MAGI1: variants seen among roughly 807,000 people sequenced by gnomAD.
MAGI1 encodes membrane-associated guanylate kinase, WW and PDZ domain-containing protein 1.
A neutral mutation model predicts 139.9 loss-of-function variants in MAGI1; 58 were observed. That is an observed-to-expected ratio of 0.41 (90% CI 0.34 to 0.52). The LOEUF (loss-of-function observed/expected upper bound fraction) is 0.52. Among genes scored for constraint, MAGI1 ranks in the 20% least tolerant of loss-of-function variants. The pLI is 0.12. For missense variants in MAGI1, 1,874 were observed against 1,901.6 expected, an observed-to-expected ratio of 0.99 and a Z score of 0.27; for synonymous variants, 812 against 737.9, an observed-to-expected ratio of 1.10 and a Z score of -1.63.
At position 65,429,554 on chromosome 3, in the gene MAGI1, C is replaced by G; in HGVS notation, c.2133G>C (p.Lys711Asn). Residue 711 changes from lysine to asparagine, a missense_variant, in exon 12 of 23, where the codon AAG becomes AAC. Lys to Asn is a moderately conservative substitution (Grantham distance 94). Coordinates refer to ENST00000402939, the MANE Select transcript of MAGI1 (RefSeq NM_001033057.2). The stretch of plus-strand genomic sequence containing the variant: ...GCACCAACAATGTGACCTCACTTCC[C>G]TTAGGACACTCAACCAGCATATCCA... ...QVVDMLVECP[K>N]GSEVTLLVQR... 1 of 1,613,812 alleles carries G rather than the reference C, an allele frequency of 6.2e-7. No homozygotes were observed. Among genetic ancestry groups the G allele is most frequent in the South Asian group, 1.1e-5 (1 of 91,064 alleles).
intron 2 of MAGI1, among the ~76,000 whole-genome samples, chr3:65,588,216 T>C (rs748705600): frequency 4.4e-4 from 67 of 152,168 alleles, no homozygotes; most frequent in Non-Finnish European, 8.4e-4. Flanking sequence ...TCCAAGAATA[T>C]AGATAGCCTT....
chr3:65,975,627 A>G (rs564980397), intron 1 of MAGI1, among the ~76,000 whole-genome samples: 1 of 152,006 alleles, frequency 6.6e-6, no homozygotes, highest in Non-Finnish European at 1.5e-5. Flanking sequence ...TCATAACCCA[A>G]TCTCAAAATA....
chr3:65,489,343 GAAAT>G (rs1378015426), intron 3 of MAGI1, among the ~76,000 whole-genome samples: 10 of 152,144 alleles, frequency 6.6e-5, no homozygotes, highest in Non-Finnish European at 1.5e-4. Flanking sequence ...AGTCTGACCT[GAAAT>G]AAATACTCAA....
chr3:65,802,391 G>T (rs1018465226), intron 1 of MAGI1, among the ~76,000 whole-genome samples: 9 of 152,068 alleles, frequency 5.9e-5, no homozygotes, highest in Non-Finnish European at 1.2e-4. Flanking sequence ...TTCCTCCTTG[G>T]GGTTGTAATT....
At chr3:65,927,129 G>A (rs1405265961) in intron 1 of MAGI1, among the ~76,000 whole-genome samples, 1 of 152,202 alleles carries the variant, frequency 6.6e-6, no homozygotes, top group African/African-American at 2.4e-5. Flanking sequence ...GCAACCGGCA[G>A]CCCTCAGGGC....
chr3:65,705,158 A>C (rs1308693708), intron 1 of MAGI1, among the ~76,000 whole-genome samples: 1 of 152,150 alleles, frequency 6.6e-6, no homozygotes, highest in East Asian at 1.9e-4. Flanking sequence ...GTTCTTATCA[A>C]GGCCTATTTG....
intron 4 of MAGI1, among the ~76,000 whole-genome samples, chr3:65,478,137 T>G (rs1349632219): frequency 6.6e-6 from 1 of 152,114 alleles, no homozygotes; most frequent in African/African-American, 2.4e-5. Context: ...TTCAAAGATA[T>G]AAGAGGATGC....
intron 1 of MAGI1, among the ~76,000 whole-genome samples, chr3:65,747,063 G>A (rs1277633944): frequency 2.0e-5 from 3 of 152,196 alleles, no homozygotes; most frequent in Admixed American, 1.3e-4. Flanking sequence ...CTATTCAGGA[G>A]GCTGAGGCAG....
chr3:65,497,478 C>T (rs1952540053), intron 2 of MAGI1, among the ~76,000 whole-genome samples: 1 of 152,124 alleles, frequency 6.6e-6, no homozygotes, highest in South Asian at 2.1e-4. Flanking sequence ...AATAGAATCT[C>T]TTTGAAACTT....
Position 65,592,996 on chromosome 3 carries a change from G to A in MAGI1, c.430+28976C>T, listed in dbSNP as rs118013776. Among the ~76,000 whole-genome samples, 336 of 152,170 alleles carry A rather than the reference G, an allele frequency of 2.2e-3. 9 individuals are homozygous for A. The East Asian group carries it at 0.05, about 23-fold the overall frequency. On this transcript the variant is annotated intron_variant, in intron 2 of 22. Coordinates refer to ENST00000402939, the MANE Select transcript of MAGI1 (RefSeq NM_001033057.2). ...TATGATTCCCCAGTGCCTAACAAGC[G>A]CCTACCACATAGTAGGCACTCAAAT...
chr3:65,612,378 A>T lies in MAGI1; in HGVS notation c.430+9594T>A, dbSNP rs1489589908. ...TCCTCCCACACATAATATATTTGTAACCATTTTTAATGTTTTGTAGCCATT... is the reference window on the plus strand; with the variant it reads ...TCCTCCCACACATAATATATTTGTATCCATTTTTAATGTTTTGTAGCCATT... On this transcript the variant is annotated intron_variant, in intron 2 of 22. Coordinates refer to ENST00000402939, the MANE Select transcript of MAGI1 (RefSeq NM_001033057.2). 3.9e-5 allele frequency among the ~76,000 whole-genome samples: 6 copies of T among 152,212 alleles called. No homozygotes were observed. The East Asian group carries it at 1.2e-3, about 29-fold the overall frequency.
chr3:65,457,431 T>C (rs1045601386), intron 5 of MAGI1, among the ~76,000 whole-genome samples: 2 of 152,180 alleles, frequency 1.3e-5, no homozygotes, highest in Non-Finnish European at 2.9e-5. Context: ...TGGACAAATT[T>C]ACTATAAAAA....
chr3:65,959,223 C>T (rs1166013285), intron 1 of MAGI1, among the ~76,000 whole-genome samples: 1 of 152,186 alleles, frequency 6.6e-6, no homozygotes, highest in Non-Finnish European at 1.5e-5. Context: ...CTCAAGCTTA[C>T]TGCATTCAAA....
intron 17 of MAGI1, among the ~76,000 whole-genome samples, chr3:65,378,399 A>T (rs1050844871): frequency 6.6e-5 from 10 of 151,928 alleles, no homozygotes; most frequent in African/African-American, 9.7e-5. Flanking sequence ...ATTTAAAATT[A>T]AAAAAAATTC....
intron 1 of MAGI1, among the ~76,000 whole-genome samples, chr3:65,884,286 T>C (rs993973924): frequency 3.9e-5 from 6 of 152,228 alleles, no homozygotes; most frequent in African/African-American, 1.4e-4. Flanking sequence ...ACTGTGCATA[T>C]AGCACATAGC....
chr3:65,475,337 C>T (rs796633044), intron 4 of MAGI1, among the ~76,000 whole-genome samples: 3 of 152,234 alleles, frequency 2.0e-5, no homozygotes, highest in Admixed American at 1.3e-4. Context: ...CCTTGGCCTC[C>T]TGAGTAGCTT....
chr3:65,434,974 A>C (rs2107373403), intron 10 of MAGI1, among the ~76,000 whole-genome samples: 1 of 152,316 alleles, frequency 6.6e-6, no homozygotes, highest in Middle Eastern at 3.4e-3. Flanking sequence ...TAATTCTTAC[A>C]AGAGGAAGAG....
At chr3:65,417,593 TGAAAA>T (rs1946321617) in intron 12 of MAGI1, among the ~76,000 whole-genome samples, 1 of 151,726 alleles carries the variant, frequency 6.6e-6, no homozygotes, top group African/African-American at 2.4e-5. Context: ...GAGATGATGG[TGAAAA>T]GAAAGTCCTA....
chr3:65,635,051 T>C (rs62244997), intron 1 of MAGI1, among the ~76,000 whole-genome samples: 24,939 of 151,874 alleles, frequency 0.16, 2,703 homozygotes, highest in Non-Finnish European at 0.24. Flanking sequence ...CTAGCGTGGG[T>C]TTGGAAACTT....
Sources: gnomAD v4.1 joint callset for allele counts (sites outside exome capture counted in the v4.1 genomes callset) on GRCh38, gnomAD v4.1.1 for gene constraint, MANE v1.5 for transcripts, NCBI Gene and HGNC (gene_info 2026-07-23, HGNC 2026-07-21) for gene names.